The following COL27A1 variants were observed in gnomAD, a reference collection of about 807,000 sequenced individuals.
The protein encoded by COL27A1 is collagen type XXVII alpha 1 chain.
A neutral mutation model predicts 251.3 loss-of-function variants in COL27A1; 106 were observed. The ratio of observed to expected loss-of-function variants is 0.42; its 90% confidence interval spans 0.36 to 0.50. The LOEUF (loss-of-function observed/expected upper bound fraction) is 0.50. Among genes scored for constraint, COL27A1 ranks in the 20% least tolerant of loss-of-function variants. The pLI, the probability that COL27A1 is intolerant of heterozygous loss-of-function variation, is 0.00. For missense variants in COL27A1, 2,325 were observed against 2,522.8 expected, an observed-to-expected ratio of 0.92 and a Z score of 1.68; for synonymous variants, 1,000 against 986.3, an observed-to-expected ratio of 1.01 and a Z score of -0.26.
Position 114,210,973 on chromosome 9 carries a change from C to T in COL27A1, c.2323-9C>T, listed in dbSNP as rs1296957713. The T allele has an allele frequency of 3.1e-6, 5 of 1,614,170 alleles. No homozygotes were observed. The highest frequency in any genetic ancestry group is 4.2e-6 in the Non-Finnish European group (5 of 1,180,000). ...CTGCCCTGACCTCTCCCCTGTCTCTCCCCTGCAGGGCCTGCCTGGCGTTCC... is the reference window on the plus strand; with the variant it reads ...CTGCCCTGACCTCTCCCCTGTCTCTTCCCTGCAGGGCCTGCCTGGCGTTCC... On this transcript the variant is annotated splice_polypyrimidine_tract_variant and intron_variant, in intron 11 of 60. Coordinates refer to ENST00000356083, the MANE Select transcript of COL27A1 (RefSeq NM_032888.4).
rs74930448 is a variant in COL27A1 at position 114,167,812 on chromosome 9, C to T, written c.257C>T (p.Thr86Met). 3.7e-5 allele frequency: 60 copies of T among 1,613,428 alleles called. No individual in the cohort carries two copies. The highest frequency in any genetic ancestry group is 1.6e-4 in the East Asian group (7 of 44,882). ...FTQRARLQAP[T>M]GTVIPAALGT... ...CAGCGGGCCCGGCTCCAGGCTCCCA[C>T]GGGCACCGTCATTCCTGCCGCCTTG... Residue 86 changes from threonine to methionine, a missense_variant, in exon 3 of 61, where the codon ACG (threonine) becomes ATG (methionine). Physicochemically the swap from Thr to Met is moderately conservative, Grantham distance 81. Coordinates refer to ENST00000356083, the MANE Select transcript of COL27A1 (RefSeq NM_032888.4).
upstream of COL27A1, among the ~76,000 whole-genome samples, chr9:114,154,121 C>T (rs988561853): frequency 3.9e-5 from 6 of 152,080 alleles, no homozygotes; most frequent in Non-Finnish European, 8.8e-5. The surrounding 1 kb of genome is among the most constrained non-coding windows in gnomAD (Gnocchi z 5.8). Flanking sequence ...GCCCCCAGCT[C>T]TCGGAGCCCG....
Position 114,167,706 on chromosome 9 carries a change from C to T in COL27A1, c.151C>T (p.Arg51Trp), listed in dbSNP as rs371597072. ...CCTCTCAGATGTGGACATCCTCCAG[C>T]GGCTGGGCCTCAGCTGGACGAAGGC... Reference protein sequence around the residue: ...GAPEDVDILQRLGLSWTKAGS... With the variant: ...GAPEDVDILQWLGLSWTKAGS... Residue 51 changes from arginine to tryptophan, a missense_variant, in exon 3 of 61, where the codon CGG becomes TGG. Coordinates refer to ENST00000356083, the MANE Select transcript of COL27A1 (RefSeq NM_032888.4). 70 of 1,611,128 alleles carry T rather than the reference C, an allele frequency of 4.3e-5. No individual in the cohort carries two copies. Among genetic ancestry groups the T allele is most frequent in the Admixed American group, 1.2e-4 (7 of 59,906 alleles).
rs926449993 is a variant in COL27A1 at position 114,252,735 on chromosome 9, C to T, written c.3087+89C>T. ...TCCTCCATGAACCGCTTACCCCAGA[C>T]GTTCAGAATGACCAGCTCCCTCTTT... On this transcript the variant is annotated intron_variant, in intron 26 of 60. Transcript: ENST00000356083. The T allele has an allele frequency of 1.8e-5, 26 of 1,423,710 alleles. 1 individual carries two copies. In the South Asian group the frequency reaches 1.9e-4, roughly 11 times the overall value. 88.2% of individuals were successfully genotyped at this position (1,423,710 alleles called of 1,614,324 possible).
At chr9:114,183,136 G>A (rs1331979620) in intron 5 of COL27A1, 61 bp downstream of exon 5, 1 of 1,496,056 alleles carries the variant, frequency 6.7e-7, no homozygotes, top group Admixed American at 1.7e-5. Context: ...CATGTTTGCA[G>A]TGCTTCCCAG....
intron 37 of COL27A1, among the ~76,000 whole-genome samples, chr9:114,277,026 C>T (rs916380840): frequency 4.6e-5 from 7 of 152,190 alleles, no homozygotes; most frequent in African/African-American, 1.2e-4. Context: ...CATGACTCTA[C>T]GCATACTGCC....
chr9:114,163,711 T>C lies in COL27A1; in HGVS notation c.133+926T>C, dbSNP rs1029639838. On this transcript the variant is annotated intron_variant, in intron 2 of 60. Coordinates refer to ENST00000356083, the MANE Select transcript of COL27A1 (RefSeq NM_032888.4). Reference sequence around the variant, plus strand: ...GCCTGACCTGGCCACTCGGCAGGGATTGGGCCCCTGGGAGGGCAGGGCTGT... The same window carrying C: ...GCCTGACCTGGCCACTCGGCAGGGACTGGGCCCCTGGGAGGGCAGGGCTGT... Among the ~76,000 whole-genome samples the C allele has an allele frequency of 1.6e-4, 25 of 152,218 alleles. 1 individual carries two copies. Among genetic ancestry groups the C allele is most frequent in the African/African-American group, 5.1e-4 (21 of 41,564 alleles).
At chr9:114,300,529 G>A (rs1564586220) in intron 50 of COL27A1, 96 bp from the exon 51 acceptor site, 5 of 973,454 alleles carry the variant, frequency 5.1e-6, no homozygotes, top group Non-Finnish European at 6.0e-6. Context: ...TTGACAAGAA[G>A]GGCAAAGGTT....
In COL27A1 at chr9:114,284,531, G is replaced by A. The variant is rs138493105; in HGVS notation, c.3934-193G>A. 2.5e-3 allele frequency among the ~76,000 whole-genome samples: 376 copies of A among 152,332 alleles called. 1 individual carries two copies. Among genetic ancestry groups the A allele is most frequent in the African/African-American group, 8.7e-3 (361 of 41,584 alleles). On this transcript the variant is annotated intron_variant, in intron 40 of 60. Transcript: ENST00000356083. ...CATCCCAGCTGGAACACCCCTTTGGGGTGTGTCTGGGACCAGCACGGCACA... is the reference window on the plus strand; with the variant it reads ...CATCCCAGCTGGAACACCCCTTTGGAGTGTGTCTGGGACCAGCACGGCACA...
At chr9:114,259,292 A>T (rs1834154171) in intron 28 of COL27A1, among the ~76,000 whole-genome samples, 1 of 152,166 alleles carries the variant, frequency 6.6e-6, no homozygotes, top group Admixed American at 6.5e-5. Flanking sequence ...GCTATACTCC[A>T]AGGGCATTGG....
intron 14 of COL27A1, 138 bp from the exon 15 acceptor site, chr9:114,230,941 C>A: frequency 1.1e-5 from 7 of 625,618 alleles, no homozygotes; most frequent in Non-Finnish European, 2.8e-6. Context: ...GAAGAACATT[C>A]CAGATTCCAA....
rs199917742 is a variant in COL27A1, at chr9:114,304,671, G to A, written c.4936G>A (p.Glu1646Lys). 5.6e-6 allele frequency: 9 copies of A among 1,614,008 alleles called. No individual in the cohort carries two copies. In the African/African-American group the frequency reaches 8.0e-5, roughly 14 times the overall value. Residue 1646 changes from glutamate (E) to lysine (K), a missense_variant and splice_region_variant, in exon 57 of 61, where the codon GAG becomes AAG. Physicochemically the swap from Glu to Lys is moderately conservative, Grantham distance 56. Around this residue, in one of 4 missense-constraint regions of COL27A1, gnomAD observed 327 missense variants for 442.8 expected, o/e 0.74. Coordinates refer to ENST00000356083, the MANE Select transcript of COL27A1 (RefSeq NM_032888.4). ...WMDTSGALRP[E>K]SYSYPDRLVL... ...GGACACCAGTGGAGCACTCAGGCCA[G>A]AGGTATCTCCAGGGGCTCTCCCCAT...
At chr9:114,281,484 A>G (rs1051862821) in intron 37 of COL27A1, among the ~76,000 whole-genome samples, 10 of 152,228 alleles carry the variant, frequency 6.6e-5, no homozygotes, top group Non-Finnish European at 1.3e-4. Context: ...GTGGCCTGTC[A>G]GAGGGAATGG....
intron 22 of COL27A1, among the ~76,000 whole-genome samples, chr9:114,242,493 G>C (rs1412416482): frequency 6.6e-6 from 1 of 152,216 alleles, no homozygotes; most frequent in Non-Finnish European, 1.5e-5. Context: ...TGCTTTCCTT[G>C]GTTTCATTAG....
Position 114,286,755 on chromosome 9 carries a change from A to T in COL27A1, c.3988-1700A>T, listed in dbSNP as rs1164950313. ...TTAAAGTATAATAATAATAGAATTAAAAAAAAATGCATCCCCAGACTACAG... is the reference window on the plus strand; with the variant it reads ...TTAAAGTATAATAATAATAGAATTATAAAAAAATGCATCCCCAGACTACAG... On this transcript the variant is annotated intron_variant, in intron 41 of 60. Transcript: ENST00000356083. Among the ~76,000 whole-genome samples the T allele has an allele frequency of 1.6e-4, 10 of 61,450 alleles. No individual in the cohort carries two copies. The East Asian group carries it at 0.012, about 71-fold the overall frequency. 40.3% of individuals were successfully genotyped at this position (61,450 alleles called of 152,430 possible). A position where few individuals can be genotyped will look rare whatever the true frequency, so the allele number is the denominator to read the frequency against.
chr9:114,233,331 C>A (rs1309652130), intron 16 of COL27A1, among the ~76,000 whole-genome samples: 2 of 152,164 alleles, frequency 1.3e-5, no homozygotes, highest in African/African-American at 4.8e-5. Context: ...TCAAGCCTAT[C>A]CCTGGGTAGC....
intron 5 of COL27A1, among the ~76,000 whole-genome samples, chr9:114,191,683 T>C (rs1489548723): frequency 6.6e-6 from 1 of 152,254 alleles, no homozygotes; most frequent in Non-Finnish European, 1.5e-5. Flanking sequence ...GCATTTAGGT[T>C]GATTCCATGT....
intron 14 of COL27A1, among the ~76,000 whole-genome samples, chr9:114,223,871 A>G (rs1002792409): frequency 6.6e-6 from 1 of 152,228 alleles, no homozygotes; most frequent in African/African-American, 2.4e-5. Flanking sequence ...AGCACTCAAG[A>G]AGTACTAGTT....
intron 38 of COL27A1, 53 bp downstream of exon 38, chr9:114,282,383 C>A (rs1835972565): frequency 6.2e-7 from 1 of 1,607,038 alleles, no homozygotes; most frequent in Admixed American, 1.7e-5. Context: ...CGCATCCCTT[C>A]CCCACATCCC....
Sources: allele counts gnomAD v4.1 joint callset (sites outside exome capture counted in the v4.1 genomes callset), GRCh38; gene constraint gnomAD v4.1.1; regional missense constraint gnomAD v4.1.1; non-coding constraint Gnocchi (gnomAD v3.1); transcripts MANE v1.5; gene names NCBI Gene and HGNC (gene_info 2026-07-23, HGNC 2026-07-21).